The following COL15A1 variants were observed in gnomAD, a reference collection of about 807,000 sequenced individuals.
COL15A1 encodes the protein collagen type XV alpha 1 chain, also known as collagen alpha-1(XV) chain.
COL15A1 carries 111 observed loss-of-function variants against 165.9 expected under a neutral mutation model. The ratio of observed to expected loss-of-function variants is 0.67; its 90% CI spans 0.57 to 0.78. The LOEUF (loss-of-function observed/expected upper bound fraction) is 0.78. Among genes scored for constraint, COL15A1 ranks in the 30% least tolerant of loss-of-function variants. The pLI is 0.00. For missense variants in COL15A1, 1,745 were observed against 1,789.7 expected (o/e 0.98, Z 0.45); for synonymous variants, 659 against 674.8 (o/e 0.98, Z 0.36).
chr9:99,035,206 T>G, intron 18 of COL15A1, 52 bp downstream of exon 18: 1 of 1,577,252 alleles, frequency 6.3e-7, no homozygotes, highest in Non-Finnish European at 8.6e-7. Flanking sequence ...TAAGGGCTAC[T>G]AGAAAGACCA....
At position 98,944,027 on chromosome 9, in the gene COL15A1, G is replaced by T; in HGVS notation, c.-35G>T. On this transcript the variant is annotated 5_prime_UTR_variant, in exon 1 of 42. Coordinates refer to ENST00000375001, the MANE Select transcript of COL15A1 (RefSeq NM_001855.5). ...TAAGCTCCAACGCTCTGCTCGACTA[G>T]CCGCGCGCCTTCCGGGGCTCCGCAG... 1.2e-6 allele frequency: 2 copies of T among 1,613,598 alleles called. No individual in the cohort carries two copies. The highest frequency in any genetic ancestry group is 1.7e-6 in the Non-Finnish European group (2 of 1,179,700).
chr9:98,961,257 T>A (rs1363066473), intron 2 of COL15A1, among the ~76,000 whole-genome samples: 1 of 152,218 alleles, frequency 6.6e-6, no homozygotes, highest in African/African-American at 2.4e-5. Flanking sequence ...CCCTCTAGGA[T>A]CCTATAGTCT....
At chr9:98,997,399 G>C (rs1045073378) in intron 6 of COL15A1, among the ~76,000 whole-genome samples, 1 of 152,156 alleles carries the variant, frequency 6.6e-6, no homozygotes, top group South Asian at 2.1e-4. Flanking sequence ...AGAAAAGTTT[G>C]TAATAATCCT....
intron 2 of COL15A1, among the ~76,000 whole-genome samples, chr9:98,959,611 T>A (rs987134646): frequency 6.6e-6 from 1 of 151,036 alleles, no homozygotes; most frequent in East Asian, 1.9e-4. Flanking sequence ...AAAAAAAAAA[T>A]TAATTCTGCC....
chr9:98,987,479 C>A, intron 4 of COL15A1, 111 bp downstream of exon 4: 1 of 959,734 alleles, frequency 1.0e-6, no homozygotes, highest in Non-Finnish European at 1.5e-6. Context: ...CTCATTTTGG[C>A]AACTGCTGCC....
chr9:98,969,397 T>C (rs1387977947), intron 2 of COL15A1, among the ~76,000 whole-genome samples: 2 of 152,204 alleles, frequency 1.3e-5, no homozygotes, highest in African/African-American at 4.8e-5. Context: ...CTCAGAGAAG[T>C]GAAGTATCTT....
intron 15 of COL15A1, among the ~76,000 whole-genome samples, chr9:99,025,417 T>C (rs1177318142): frequency 6.6e-6 from 1 of 152,228 alleles, no homozygotes; most frequent in Non-Finnish European, 1.5e-5. Context: ...TATAGGCTAA[T>C]GGAAGTGTTC....
chr9:99,058,084 C>T (rs1285379817), intron 35 of COL15A1, among the ~76,000 whole-genome samples: 2 of 152,232 alleles, frequency 1.3e-5, no homozygotes, highest in African/African-American at 4.8e-5. Flanking sequence ...TCTCTTGTCT[C>T]GGCTTCTCTC....
In COL15A1 at chr9:99,060,230, AT is replaced by A. The variant is rs546843013; in HGVS notation, c.3402+282del. Among the ~76,000 whole-genome samples the A allele has an allele frequency of 1.2e-3, 167 of 136,420 alleles. 2 individuals carry two copies. The highest frequency in any genetic ancestry group is 5.7e-3 in the South Asian group (23 of 4,064). The allele number at this position is 136,420 out of a possible 152,430, so 89.5% of individuals were successfully genotyped here. On this transcript the variant is annotated intron_variant, in intron 36 of 41. Coordinates refer to ENST00000375001, the MANE Select transcript of COL15A1 (RefSeq NM_001855.5). ...CAAGAACCAATCATATTACTTATAT[AT>A]TTTTATATATATATATATATATATA...
intron 2 of COL15A1, among the ~76,000 whole-genome samples, chr9:98,964,604 A>C (rs948208257): frequency 3.9e-5 from 6 of 152,208 alleles, no homozygotes; most frequent in Non-Finnish European, 7.3e-5. Flanking sequence ...CATGTGAACC[A>C]CAGGTCCCCA....
At chr9:99,004,382 A>C (rs116549662) in intron 8 of COL15A1, among the ~76,000 whole-genome samples, 143 of 152,212 alleles carry the variant, frequency 9.4e-4, no homozygotes, top group African/African-American at 3.4e-3. Flanking sequence ...AGGGGCTGAG[A>C]AACATCCATT....
intron 13 of COL15A1, 85 bp downstream of exon 13, chr9:99,022,235 T>A: frequency 1.3e-6 from 2 of 1,573,318 alleles, no homozygotes; most frequent in Non-Finnish European, 1.7e-6. Context: ...GGACTCTCCT[T>A]TTTGGCCCCC....
chr9:98,944,349 G>C (rs571525747), intron 2 of COL15A1, 99 bp downstream of exon 2: 3 of 1,198,992 alleles, frequency 2.5e-6, no homozygotes, highest in South Asian at 2.7e-5. Context: ...CCTCATTCCT[G>C]GACATAAAAG....
chr9:98,986,340 T>G, intron 3 of COL15A1: 1 of 507,734 alleles, frequency 2.0e-6, no homozygotes. Flanking sequence ...TCTCTGATCC[T>G]CTCTGTGTTT....
intron 16 of COL15A1, among the ~76,000 whole-genome samples, chr9:99,027,711 C>T (rs1839149762): frequency 6.6e-6 from 1 of 152,228 alleles, no homozygotes; most frequent in Admixed American, 6.5e-5. Flanking sequence ...AGATCAATCA[C>T]ATTTGTTTCT....
chr9:98,967,720 G>A (rs1837981069), intron 2 of COL15A1, among the ~76,000 whole-genome samples: 1 of 152,162 alleles, frequency 6.6e-6, no homozygotes, highest in Non-Finnish European at 1.5e-5. Flanking sequence ...CCCTGTGCCT[G>A]GGTCTCTGGC....
At chr9:99,004,068 G>A (rs980907858) in intron 8 of COL15A1, among the ~76,000 whole-genome samples, 5 of 152,220 alleles carry the variant, frequency 3.3e-5, no homozygotes, top group African/African-American at 1.2e-4. Context: ...AAGAAGGGCA[G>A]CATACCTGTG....
At chr9:98,981,813 TA>T (rs926562307) in intron 2 of COL15A1, among the ~76,000 whole-genome samples, 6 of 152,114 alleles carry the variant, frequency 3.9e-5, no homozygotes, top group African/African-American at 1.2e-4. Flanking sequence ...ATATTATAAT[TA>T]TTTTTTTTAG....
At chr9:99,002,539 G>C (rs1038283517) in intron 7 of COL15A1, among the ~76,000 whole-genome samples, 1 of 152,266 alleles carries the variant, frequency 6.6e-6, no homozygotes, top group Non-Finnish European at 1.5e-5. Flanking sequence ...CTGGTAGAAC[G>C]GGTGCCATTT....
Sources: gnomAD v4.1 joint callset for allele counts (sites outside exome capture counted in the v4.1 genomes callset) on GRCh38, gnomAD v4.1.1 for gene constraint, MANE v1.5 for transcripts, NCBI Gene and HGNC (gene_info 2026-07-23, HGNC 2026-07-21) for gene names.